The following PCDHGA2 variants were observed in gnomAD, a reference collection of about 807,000 sequenced individuals.
PCDHGA2 encodes protocadherin gamma subfamily A, 2, also known as protocadherin gamma-A2.
PCDHGA2 carries 40 observed loss-of-function variants against 59.2 expected under a neutral mutation model. The observed-to-expected ratio is 0.68, with a 90% confidence interval of 0.52 to 0.88. The LOEUF is 0.88. Ranked by LOEUF, PCDHGA2 falls within the 40% of genes least tolerant of loss-of-function variation. The probability of loss-of-function intolerance (pLI) is 0.00; values close to 1 mark genes in which losing one functional copy is unlikely to be tolerated. For missense variants in PCDHGA2, 1,226 were observed against 1,204.0 expected (o/e 1.02, Z -0.27); for synonymous variants, 560 against 526.0 (o/e 1.06, Z -0.89).
chr5:141,388,663 C>T (rs770660956), intron 1 of PCDHGA2: 1 of 1,613,810 alleles, frequency 6.2e-7, no homozygotes, highest in Non-Finnish European at 8.5e-7. Flanking sequence ...CCGGGGACCA[C>T]GGTGCTACAG....
chr5:141,339,501 A>G lies in PCDHGA2; in HGVS notation c.530A>G (p.His177Arg). Residue 177 changes from histidine (H) to arginine (R), a missense_variant, in exon 1 of 4, where the codon CAC becomes CGC. Transcript: ENST00000394576. ...AAGTACGCACTCAACCCAAATGACC[A>G]CTTCTCCCTGGACGTGCGAAGGGGA... ...LQKYALNPND[H>R]FSLDVRRGAD... The G allele has an allele frequency of 1.2e-6, 2 of 1,614,018 alleles. No homozygotes were observed. Among genetic ancestry groups the G allele is most frequent in the African/African-American group, 2.7e-5 (2 of 74,980 alleles).
Position 141,340,284 on chromosome 5 carries a change from T to C in PCDHGA2, c.1313T>C (p.Ile438Thr). ...GNPSLSTDAHILLQVADINDN... is the reference protein window; with the variant it reads ...GNPSLSTDAHTLLQVADINDN... ...CCCTCCCTGTCCACGGATGCTCACA[T>C]TTTGCTCCAGGTGGCAGACATCAAC... Residue 438 changes from isoleucine (I) to threonine (T), a missense_variant, in exon 1 of 4, where the codon ATT becomes ACT. Transcript: ENST00000394576. The C allele has an allele frequency of 6.2e-7, 1 of 1,614,144 alleles. No homozygotes were observed. Among genetic ancestry groups the C allele is most frequent in the Non-Finnish European group, 8.5e-7 (1 of 1,180,030 alleles).
chr5:141,364,290 G>C, intron 1 of PCDHGA2: 2 of 1,518,718 alleles, frequency 1.3e-6, no homozygotes, highest in Non-Finnish European at 1.8e-6. Context: ...GAAACAGCAG[G>C]CTGAACCAGA....
intron 1 of PCDHGA2, chr5:141,383,821 G>T: frequency 1.2e-6 from 2 of 1,613,922 alleles, no homozygotes; most frequent in Non-Finnish European, 1.7e-6. Context: ...AGAAGGATTA[G>T]ATTATGAAGA....
chr5:141,360,582 TACA>T (rs1223956986), intron 1 of PCDHGA2: 9 of 1,613,976 alleles, frequency 5.6e-6, no homozygotes, highest in African/African-American at 1.3e-5. Context: ...CTAAGCCAGG[TACA>T]ACATTTCCAC....
At chr5:141,408,955 T>G in intron 1 of PCDHGA2, 1 of 1,613,616 alleles carries the variant, frequency 6.2e-7, no homozygotes, top group South Asian at 1.1e-5. Flanking sequence ...GAATTAGTCT[T>G]AGTGAAAATC....
Position 141,503,010 on chromosome 5 carries a change from AT to A in PCDHGA2, c.2484-2371del, listed in dbSNP as rs199924715. ...AGGCGTGTGCCACCATGCCCGGTTA[AT>A]TTTTTTTTTTTAATATCTATTTTAG... On this transcript the variant is annotated intron_variant, in intron 2 of 3. Coordinates refer to ENST00000394576, the MANE Select transcript of PCDHGA2 (RefSeq NM_018915.4). Among the ~76,000 whole-genome samples the A allele has an allele frequency of 6.8e-3, 997 of 146,562 alleles. 9 individuals are homozygous for A. The highest frequency in any genetic ancestry group is 0.023 in the African/African-American group (916 of 39,838).
At chr5:141,448,663 G>A (rs1195703194) in intron 1 of PCDHGA2, among the ~76,000 whole-genome samples, 3 of 151,920 alleles carry the variant, frequency 2.0e-5, no homozygotes, top group African/African-American at 7.3e-5. Flanking sequence ...CATATTGGCC[G>A]GGCGCGGTGG....
At chr5:141,382,133 T>C (rs1420684997) in intron 1 of PCDHGA2, among the ~76,000 whole-genome samples, 3 of 152,068 alleles carry the variant, frequency 2.0e-5, no homozygotes, top group Admixed American at 6.6e-5. Context: ...TGGCCCCCCC[T>C]CTCATTTTTT....
chr5:141,490,923 C>T lies in PCDHGA2; in HGVS notation c.2425-3884C>T. The T allele has an allele frequency of 6.2e-7, 1 of 1,613,668 alleles. No homozygotes were observed. Among genetic ancestry groups the T allele is most frequent in the South Asian group, 1.1e-5 (1 of 91,050 alleles). On this transcript the variant is annotated intron_variant, in intron 1 of 3. Coordinates refer to ENST00000394576, the MANE Select transcript of PCDHGA2 (RefSeq NM_018915.4). The surrounding 1 kb of genome is among the most constrained non-coding windows in gnomAD (Gnocchi z 5.4). ...TTGTCCTAGACGAGAATGATAATGC[C>T]CCAGCTGTGCTGCACCCACGGCCAG...
intron 1 of PCDHGA2, chr5:141,394,148 T>C (rs2092927771): frequency 6.2e-7 from 1 of 1,613,768 alleles, no homozygotes; most frequent in African/African-American, 1.3e-5. Context: ...TGGCAGACAT[T>C]AACGACAACC....
At position 141,418,056 on chromosome 5, in the gene PCDHGA2, T is replaced by G. The variant is rs199996434; in HGVS notation, c.2424+76661T>G. ...GTCCTGGATGTGTCGGCTCGCGAGC[T>G]GCGAGTGAGCGCGGAGAAGCTGCAC... is the stretch of plus-strand genomic sequence containing the variant. On this transcript the variant is annotated intron_variant, in intron 1 of 3. Coordinates refer to ENST00000394576, the MANE Select transcript of PCDHGA2 (RefSeq NM_018915.4). 5.0e-5 allele frequency: 80 copies of G among 1,613,976 alleles called. No individual in the cohort carries two copies. The African/African-American group carries it at 7.5e-4, about 15-fold the overall frequency.
Position 141,356,319 on chromosome 5 carries a change from C to T in PCDHGA2, c.2424+14924C>T, listed in dbSNP as rs756397423. The T allele has an allele frequency of 3.5e-5, 55 of 1,554,034 alleles. No homozygotes were observed. The Admixed American group carries it at 9.8e-4, about 28-fold the overall frequency. On this transcript the variant is annotated intron_variant, in intron 1 of 3. Transcript: ENST00000394576. ...TAATTGCACTTTTCAACGTGCATGACAGTGACTCAGGAGGAAATGGCCTAG... is the reference window on the plus strand; with the variant it reads ...TAATTGCACTTTTCAACGTGCATGATAGTGACTCAGGAGGAAATGGCCTAG...
chr5:141,422,197 G>C, intron 1 of PCDHGA2: 1 of 1,562,284 alleles, frequency 6.4e-7, no homozygotes, highest in Non-Finnish European at 8.6e-7. Flanking sequence ...TCAAGGCCAA[G>C]ATGGTGGAGG....
intron 1 of PCDHGA2, among the ~76,000 whole-genome samples, chr5:141,420,762 T>A (rs1221355822): frequency 6.6e-6 from 1 of 152,222 alleles, no homozygotes; most frequent in Non-Finnish European, 1.5e-5. Context: ...AACCTACAAG[T>A]TTTCAGCTCC....
chr5:141,415,020 C>T, intron 1 of PCDHGA2: 2 of 1,613,560 alleles, frequency 1.2e-6, no homozygotes, highest in Non-Finnish European at 1.7e-6. Context: ...TGCTCAAGGC[C>T]AGCGAGCCGG....
At position 141,485,480 on chromosome 5, in the gene PCDHGA2, A is replaced by G. The variant is rs535194185; in HGVS notation, c.2425-9327A>G. On this transcript the variant is annotated intron_variant, in intron 1 of 3. Transcript: ENST00000394576. The surrounding 1 kb of genome is among the most constrained non-coding windows in gnomAD (Gnocchi z 5.7). Reference sequence around the variant, plus strand: ...ACTGTGTGGGCTCAGTGCCAGCTGCATCGTGCCCCTGGAGTTTGTCACCGA... The same window carrying G: ...ACTGTGTGGGCTCAGTGCCAGCTGCGTCGTGCCCCTGGAGTTTGTCACCGA... The G allele has an allele frequency of 2.5e-6, 4 of 1,614,154 alleles. No individual in the cohort carries two copies. The South Asian group carries it at 3.3e-5, about 13-fold the overall frequency.
intron 1 of PCDHGA2, chr5:141,396,761 A>G (rs2093430785): frequency 6.6e-6 from 1 of 152,352 alleles, no homozygotes; most frequent in African/African-American, 2.4e-5. Context: ...GACCCAATAA[A>G]TGTTTGTTAT....
chr5:141,348,069 C>T (rs1333881100), intron 1 of PCDHGA2, among the ~76,000 whole-genome samples: 1 of 152,190 alleles, frequency 6.6e-6, no homozygotes, highest in Non-Finnish European at 1.5e-5. Flanking sequence ...TCATGTTCTA[C>T]AACTTTCTTG....
Sources: allele counts gnomAD v4.1 joint callset (sites outside exome capture counted in the v4.1 genomes callset), GRCh38; gene constraint gnomAD v4.1.1; non-coding constraint Gnocchi (gnomAD v3.1); transcripts MANE v1.5; gene names NCBI Gene and HGNC (gene_info 2026-07-23, HGNC 2026-07-21).